The following FSIP1 variants were observed in gnomAD, a reference collection of about 807,000 sequenced individuals.
FSIP1 encodes the protein fibrous sheath interacting protein 1.
In FSIP1, 65 loss-of-function variants were observed where a neutral mutation model predicts 60.9. The observed-to-expected ratio is 1.07, with a 90% CI of 0.87 to 1.31. FSIP1 has a LOEUF of 1.31. FSIP1 is among the 40% of genes most tolerant of loss of function. The probability of loss-of-function intolerance (pLI) is 0.00; values close to 1 mark genes in which losing one functional copy is unlikely to be tolerated. For missense variants in FSIP1, 675 were observed against 665.5 expected, an observed-to-expected ratio of 1.01 and a Z score of -0.16; for synonymous variants, 209 against 221.2, an observed-to-expected ratio of 0.94 and a Z score of 0.49.
intron 10 of FSIP1, among the ~76,000 whole-genome samples, chr15:39,629,590 C>T (rs951624592): frequency 6.6e-6 from 1 of 152,190 alleles, no homozygotes; most frequent in Admixed American, 6.5e-5. Flanking sequence ...CCTCAGGAAG[C>T]AAACTCTATT....
intron 10 of FSIP1, among the ~76,000 whole-genome samples, chr15:39,673,112 A>T (rs1476376466): frequency 6.6e-6 from 1 of 152,250 alleles, no homozygotes; most frequent in African/African-American, 2.4e-5. Flanking sequence ...TCATGACATC[A>T]AGTCTCACAA....
chr15:39,684,370 A>G (rs947395699), intron 10 of FSIP1, among the ~76,000 whole-genome samples: 2 of 152,238 alleles, frequency 1.3e-5, no homozygotes, highest in Non-Finnish European at 2.9e-5. Flanking sequence ...GAGAACAGAC[A>G]CTACAGCTGT....
intron 5 of FSIP1, among the ~76,000 whole-genome samples, chr15:39,752,139 T>C (rs1897182803): frequency 6.6e-6 from 1 of 152,024 alleles, no homozygotes; most frequent in Non-Finnish European, 1.5e-5. Context: ...TTTTTGTTTT[T>C]GTTGCTATTG....
chr15:39,735,441 A>C (rs1432935876), intron 8 of FSIP1, among the ~76,000 whole-genome samples: 1 of 152,206 alleles, frequency 6.6e-6, no homozygotes, highest in Non-Finnish European at 1.5e-5. Flanking sequence ...GTACAATAAA[A>C]TATGGTATAA....
At chr15:39,753,637 T>A (rs1897226272) in intron 5 of FSIP1, among the ~76,000 whole-genome samples, 1 of 152,084 alleles carries the variant, frequency 6.6e-6, no homozygotes, top group South Asian at 2.1e-4. Context: ...TTTATGATAA[T>A]TTAAATATAT....
At chr15:39,622,501 A>G (rs1393663443) in intron 10 of FSIP1, among the ~76,000 whole-genome samples, 1 of 152,256 alleles carries the variant, frequency 6.6e-6, no homozygotes, top group South Asian at 2.1e-4. Flanking sequence ...TGCATCTTGC[A>G]TCTGGTTGGC....
At chr15:39,671,890 C>A (rs1009473790) in intron 10 of FSIP1, among the ~76,000 whole-genome samples, 2 of 152,098 alleles carry the variant, frequency 1.3e-5, no homozygotes, top group African/African-American at 4.8e-5. Context: ...AACCAAATAG[C>A]CCCCAAAGTT....
intron 10 of FSIP1, among the ~76,000 whole-genome samples, chr15:39,688,969 G>T (rs950998060): frequency 3.9e-5 from 6 of 152,138 alleles, no homozygotes; most frequent in African/African-American, 1.4e-4. Flanking sequence ...GCATTAACTA[G>T]TTTGGATGAG....
intron 2 of FSIP1, among the ~76,000 whole-genome samples, chr15:39,772,299 T>C (rs1897915141): frequency 6.6e-6 from 1 of 152,050 alleles, no homozygotes; most frequent in Admixed American, 6.6e-5. Context: ...TGTATAAATA[T>C]ATATATACAT....
intron 11 of FSIP1, among the ~76,000 whole-genome samples, chr15:39,608,589 A>G (rs1890910865): frequency 6.6e-6 from 1 of 152,232 alleles, no homozygotes; most frequent in Admixed American, 6.5e-5. Flanking sequence ...TCAGAGTAGA[A>G]CAAAGTTTTC....
intron 10 of FSIP1, among the ~76,000 whole-genome samples, chr15:39,628,189 T>C (rs1422739293): frequency 6.6e-6 from 1 of 151,922 alleles, no homozygotes; most frequent in Non-Finnish European, 1.5e-5. Flanking sequence ...AAGGCAAGAG[T>C]CAAAGGAGAA....
rs140687677 is a variant in FSIP1, at chr15:39,606,263, A to G, written c.1700-5337T>C. 2.0e-3 allele frequency among the ~76,000 whole-genome samples: 310 copies of G among 152,390 alleles called. 1 individual carries two copies. The highest frequency in any genetic ancestry group is 7.1e-3 in the African/African-American group (297 of 41,600). ...GAGCAATCCAAGACAGTTGGCCACT[A>G]TAGTTTTCATTTAGGGGTATTATTT... On this transcript the variant is annotated intron_variant, in intron 11 of 11. Transcript: ENST00000350221.
At chr15:39,776,197 A>AGAGG (rs367626075) in intron 2 of FSIP1, among the ~76,000 whole-genome samples, 5,192 of 30,616 alleles carry the variant, frequency 0.17, 409 homozygotes, top group East Asian at 0.32. Context: ...GGGAGGAGAG[A>AGAGG]GAGGGAGGGA....
intron 10 of FSIP1, among the ~76,000 whole-genome samples, chr15:39,633,217 G>A (rs910292930): frequency 6.7e-6 from 1 of 149,300 alleles, no homozygotes; most frequent in Non-Finnish European, 1.5e-5. Flanking sequence ...AGCATCCCAA[G>A]TAGCTGGGAC....
chr15:39,600,781 A>C lies in FSIP1; in HGVS notation c.*99T>G, dbSNP rs1282815114. On this transcript the variant is annotated 3_prime_UTR_variant, in exon 12 of 12. Coordinates refer to ENST00000350221, the MANE Select transcript of FSIP1 (RefSeq NM_152597.5). ...CCAAATGTCAAAATCAATAAAGAAT[A>C]GTCTCTGCAGTGCATTCATTGAATT... The C allele has an allele frequency of 2.5e-6, 2 of 812,622 alleles. No homozygotes were observed. The highest frequency in any genetic ancestry group is 3.6e-5 in the African/African-American group (2 of 55,752). 50.3% of individuals were successfully genotyped at this position (812,622 alleles called of 1,614,324 possible).
At chr15:39,632,218 C>T (rs745751872) in intron 10 of FSIP1, among the ~76,000 whole-genome samples, 2 of 152,120 alleles carry the variant, frequency 1.3e-5, no homozygotes, top group Non-Finnish European at 2.9e-5. Flanking sequence ...GACTCTGTCA[C>T]CCAGGCTGGA....
At chr15:39,631,974 G>A (rs1891910098) in intron 10 of FSIP1, among the ~76,000 whole-genome samples, 2 of 152,116 alleles carry the variant, frequency 1.3e-5, no homozygotes, top group African/African-American at 2.4e-5. Flanking sequence ...GATTTCCAAT[G>A]AGCTAGCACA....
chr15:39,639,158 A>C (rs953342975), intron 10 of FSIP1, among the ~76,000 whole-genome samples: 1 of 152,214 alleles, frequency 6.6e-6, no homozygotes, highest in Non-Finnish European at 1.5e-5. Flanking sequence ...ACTAACACCA[A>C]AGACCAAAGT....
At chr15:39,688,654 A>C (rs554096149) in intron 10 of FSIP1, among the ~76,000 whole-genome samples, 1 of 152,306 alleles carries the variant, frequency 6.6e-6, no homozygotes, top group African/African-American at 2.4e-5. Context: ...TGCAGAGAAA[A>C]ATATCTATTT....
Sources: allele counts gnomAD v4.1 joint callset (sites outside exome capture counted in the v4.1 genomes callset), GRCh38; gene constraint gnomAD v4.1.1; transcripts MANE v1.5; gene names NCBI Gene and HGNC (gene_info 2026-07-23, HGNC 2026-07-21).